The following INPP4B variants were observed in gnomAD, a reference collection of about 807,000 sequenced individuals.
The protein encoded by INPP4B is inositol polyphosphate-4-phosphatase type II B.
A neutral mutation model predicts 122.5 loss-of-function variants in INPP4B; 55 were observed. The observed-to-expected ratio is 0.45, with a 90% confidence interval of 0.36 to 0.56. The LOEUF is 0.56. Ranked by LOEUF, INPP4B falls within the 20% of genes least tolerant of loss-of-function variation. The pLI is 0.00. For synonymous variants in INPP4B, 403 were observed against 388.7 expected (o/e 1.04, Z -0.43); for missense variants, 1,000 against 1,097.7 (o/e 0.91, Z 1.26).
At chr4:142,547,378 T>G (rs962509229) in intron 2 of INPP4B, among the ~76,000 whole-genome samples, 4 of 152,154 alleles carry the variant, frequency 2.6e-5, no homozygotes, top group African/African-American at 9.7e-5. Context: ...ACAGATTTAA[T>G]GAAGGATCCT....
At chr4:142,442,854 C>T (rs536764245) in intron 3 of INPP4B, among the ~76,000 whole-genome samples, 7 of 152,250 alleles carry the variant, frequency 4.6e-5, no homozygotes, top group Admixed American at 2.0e-4. Flanking sequence ...ACTCAAAGTT[C>T]CATACAGCTG....
At chr4:142,381,770 A>AT (rs1415137773) in intron 7 of INPP4B, among the ~76,000 whole-genome samples, 3 of 152,060 alleles carry the variant, frequency 2.0e-5, no homozygotes, top group African/African-American at 7.2e-5. Flanking sequence ...AAGGATAGTC[A>AT]TTTTACCTGC....
At chr4:142,090,668 G>A (rs1779098084) in intron 23 of INPP4B, among the ~76,000 whole-genome samples, 1 of 151,654 alleles carries the variant, frequency 6.6e-6, no homozygotes, top group South Asian at 2.1e-4. Flanking sequence ...ATTTAGACAG[G>A]GCAGCTGAGT....
At chr4:142,554,425 C>T (rs988292788) in intron 2 of INPP4B, among the ~76,000 whole-genome samples, 2 of 150,576 alleles carry the variant, frequency 1.3e-5, no homozygotes, top group African/African-American at 4.9e-5. Context: ...CCCATACCTA[C>T]TCTTGATCTC....
At chr4:142,815,608 A>G (rs1007103173) in intron 1 of INPP4B, among the ~76,000 whole-genome samples, 2 of 152,138 alleles carry the variant, frequency 1.3e-5, no homozygotes, top group Non-Finnish European at 2.9e-5. Context: ...TGACACCTGA[A>G]ACTATGTCTT....
intron 1 of INPP4B, among the ~76,000 whole-genome samples, chr4:142,736,894 C>A (rs922936971): frequency 6.6e-6 from 1 of 152,128 alleles, no homozygotes; most frequent in Admixed American, 6.5e-5. Context: ...AAAGGGAATG[C>A]TTCCAGTTTT....
intron 9 of INPP4B, among the ~76,000 whole-genome samples, chr4:142,277,937 A>G (rs1233834494): frequency 2.0e-5 from 3 of 151,848 alleles, no homozygotes. Flanking sequence ...GAGTGGTAAA[A>G]GATTATACAT....
At chr4:142,319,248 CA>C (rs1769078522) in intron 7 of INPP4B, among the ~76,000 whole-genome samples, 1 of 152,052 alleles carries the variant, frequency 6.6e-6, no homozygotes, top group Non-Finnish European at 1.5e-5. Context: ...GAGGGAAAGA[CA>C]TTGGTTATAG....
chr4:142,349,285 A>T (rs1781256417), intron 7 of INPP4B, among the ~76,000 whole-genome samples: 1 of 152,102 alleles, frequency 6.6e-6, no homozygotes. Context: ...TACGAGAGAT[A>T]AAAGAAATAT....
intron 2 of INPP4B, among the ~76,000 whole-genome samples, chr4:142,667,798 T>C (rs944264717): frequency 4.6e-5 from 7 of 152,114 alleles, no homozygotes; most frequent in African/African-American, 1.7e-4. Flanking sequence ...TAGAAAGGAT[T>C]GGGTATAGAG....
intron 9 of INPP4B, among the ~76,000 whole-genome samples, chr4:142,274,234 G>A (rs1579553293): frequency 6.6e-6 from 1 of 151,906 alleles, no homozygotes; most frequent in East Asian, 1.9e-4. Flanking sequence ...AGAGAGTTCT[G>A]TGCTAGGAAT....
intron 18 of INPP4B, among the ~76,000 whole-genome samples, chr4:142,139,616 A>G (rs1265790591): frequency 3.3e-5 from 5 of 152,116 alleles, no homozygotes; most frequent in African/African-American, 1.2e-4. Context: ...CCAGTCTTTA[A>G]TTATTTTAAG....
intron 23 of INPP4B, among the ~76,000 whole-genome samples, chr4:142,090,237 C>T (rs1270543441): frequency 6.6e-6 from 1 of 152,082 alleles, no homozygotes; most frequent in Admixed American, 6.6e-5. Flanking sequence ...CATGATGTCT[C>T]ATGGAAATTT....
At chr4:142,672,372 C>A (rs1229103888) in intron 2 of INPP4B, among the ~76,000 whole-genome samples, 1 of 152,102 alleles carries the variant, frequency 6.6e-6, no homozygotes, top group Non-Finnish European at 1.5e-5. Flanking sequence ...TTTGAGACTT[C>A]CAGCTATTCT....
chr4:142,448,764 A>T (rs560745419), intron 3 of INPP4B, among the ~76,000 whole-genome samples: 21 of 152,276 alleles, frequency 1.4e-4, no homozygotes, highest in African/African-American at 5.1e-4. Context: ...TGTGCCCAAT[A>T]ACAGGAATGT....
chr4:142,587,712 A>C (rs1218278268), intron 2 of INPP4B, among the ~76,000 whole-genome samples: 1 of 152,178 alleles, frequency 6.6e-6, no homozygotes, highest in Admixed American at 6.5e-5. Flanking sequence ...AGTTATTTTT[A>C]AATGTACAAT....
intron 25 of INPP4B, among the ~76,000 whole-genome samples, chr4:142,042,077 C>A (rs1200059019): frequency 1.3e-5 from 2 of 152,108 alleles, no homozygotes; most frequent in African/African-American, 4.8e-5. Flanking sequence ...CAAGTCAGAC[C>A]ATTCAGCAAG....
chr4:142,803,177 AAAAAAAAAAGAAAG>A (rs1391531439), intron 1 of INPP4B, among the ~76,000 whole-genome samples: 3 of 148,204 alleles, frequency 2.0e-5, no homozygotes, highest in Non-Finnish European at 4.5e-5. Flanking sequence ...GTCTCAAAAA[AAAAAAAAAAGAAAG>A]AAAGAAAGAA....
chr4:142,363,295 C>T (rs1000470932), intron 7 of INPP4B, among the ~76,000 whole-genome samples: 13 of 151,748 alleles, frequency 8.6e-5, no homozygotes, highest in African/African-American at 2.4e-4. Context: ...GGCTACTCCT[C>T]CAGTTATGCC....
Sources: gnomAD v4.1 joint callset for allele counts (sites outside exome capture counted in the v4.1 genomes callset) on GRCh38, gnomAD v4.1.1 for gene constraint, MANE v1.5 for transcripts, NCBI Gene and HGNC (gene_info 2026-07-23, HGNC 2026-07-21) for gene names.